Variants in HIP1R observed in about 807,000 individuals in gnomAD.
The protein encoded by HIP1R is huntingtin-interacting protein 1-related protein.
Under a neutral mutation model 144.2 loss-of-function variants are expected in HIP1R, and 135 were observed. The observed-to-expected ratio is 0.94, with a 90% confidence interval of 0.81 to 1.08. The LOEUF is 1.08. Among genes scored for constraint, HIP1R ranks in the 50% least tolerant of loss-of-function variants. The probability of loss-of-function intolerance (pLI) is 0.00; values close to 1 mark genes in which losing one functional copy is unlikely to be tolerated. For missense variants in HIP1R, 1,462 were observed against 1,432.8 expected (o/e 1.02, Z -0.33); for synonymous variants, 698 against 612.8 (o/e 1.14, Z -2.05).
At chr12:122,857,360 C>G in intron 18 of HIP1R, 145 bp downstream of exon 18, 2 of 780,664 alleles carry the variant, frequency 2.6e-6, no homozygotes, top group Admixed American at 4.2e-5. Flanking sequence ...CTTCTTCACT[C>G]AGCATCACGT....
chr12:122,857,154 G>T lies in HIP1R; in HGVS notation c.1754G>T (p.Ser585Ile). The T allele has an allele frequency of 6.4e-7, 1 of 1,550,430 alleles. No individual in the cohort carries two copies. Among genetic ancestry groups the T allele is most frequent in the Non-Finnish European group, 8.7e-7 (1 of 1,146,890 alleles). Residue 585 changes from serine to isoleucine, a missense_variant, in exon 18 of 32, where the codon AGC (serine) becomes ATC (isoleucine). Transcript: ENST00000253083. Reference sequence around the variant, plus strand: ...GTGCGCGAGACAGAGGCGGCGCTGAGCCGGGAGCAGCAGCGCAGCTCCCAG... The same window carrying T: ...GTGCGCGAGACAGAGGCGGCGCTGATCCGGGAGCAGCAGCGCAGCTCCCAG... ...SLVRETEAALSREQQRSSQEQ... is the reference protein window; with the variant it reads ...SLVRETEAALIREQQRSSQEQ...
chr12:122,859,740 C>T (rs988991981), intron 23 of HIP1R, 32 bp from the exon 24 acceptor site: 2 of 1,607,542 alleles, frequency 1.2e-6, no homozygotes, highest in East Asian at 2.2e-5. Context: ...CCCCTCCTCC[C>T]AGCCAGCTCA....
At chr12:122,841,271 C>G (rs2033049007) in intron 1 of HIP1R, among the ~76,000 whole-genome samples, 1 of 152,254 alleles carries the variant, frequency 6.6e-6, no homozygotes, top group African/African-American at 2.4e-5. Context: ...CCACATCTGC[C>G]CTGACACGCT....
rs1690494842 is a variant in HIP1R at position 122,859,136 on chromosome 12, T to G, written c.2234T>G (p.Leu745Arg). Reference protein sequence around the residue: ...LMGQLQDQQALRHMQASLVRT... With the variant: ...LMGQLQDQQARRHMQASLVRT... The stretch of plus-strand genomic sequence containing the variant: ...GGGCAGCTGCAGGACCAGCAGGCTC[T>G]GCGGCACATGCAGGCCAGCCTGGTG... Residue 745 changes from leucine (L) to arginine (R), a missense_variant, in exon 22 of 32, where the codon CTG becomes CGG. By Grantham distance (102) the Leu-to-Arg change is moderately radical. Transcript: ENST00000253083. 4 of 1,589,394 alleles carry G rather than the reference T, an allele frequency of 2.5e-6. No individual in the cohort carries two copies. Among genetic ancestry groups the G allele is most frequent in the Non-Finnish European group, 3.4e-6 (4 of 1,168,746 alleles).
At chr12:122,857,293 C>T (rs772095933) in intron 18 of HIP1R, 78 bp downstream of exon 18, 1 of 1,300,098 alleles carries the variant, frequency 7.7e-7, no homozygotes, top group Admixed American at 2.0e-5. Flanking sequence ...CGTGATCTGC[C>T]TGTTCTAGAG....
chr12:122,835,005 T>G, upstream of HIP1R: 1 of 1,287,756 alleles, frequency 7.8e-7, no homozygotes, highest in Non-Finnish European at 1.0e-6. Context: ...AGACAAGACT[T>G]AGTGAGTTCG....
At chr12:122,859,632 C>G (rs1357249830) in intron 23 of HIP1R, 96 bp downstream of exon 23, 2 of 1,345,870 alleles carry the variant, frequency 1.5e-6, no homozygotes, top group African/African-American at 1.5e-5. Context: ...CACTCCTGCT[C>G]TCAGCCTCCA....
intron 1 of HIP1R, among the ~76,000 whole-genome samples, chr12:122,839,182 T>C (rs78348391): frequency 0.024 from 3,641 of 152,288 alleles, 122 homozygotes; most frequent in African/African-American, 0.083. Flanking sequence ...AAGCATATCA[T>C]GAAGAAGGAC....
In HIP1R at chr12:122,860,147, G is replaced by A. The variant is rs772148221; in HGVS notation, c.2497-1G>A. On this transcript the variant is annotated splice_acceptor_variant, in intron 25 of 31. Transcript: ENST00000253083. LOFTEE classifies it high-confidence loss of function. ...AGTCATTGCTGTCTTGGTCTCGGCA[G>A]GCTATCCGGCTCCTGGTGACGACAT... The A allele has an allele frequency of 5.7e-6, 9 of 1,582,030 alleles. No homozygotes were observed. The highest frequency in any genetic ancestry group is 6.9e-6 in the Non-Finnish European group (8 of 1,166,022).
rs1329054776 is a variant in HIP1R at position 122,851,338 on chromosome 12, C to T, written c.577+41C>T. 4 of 1,461,080 alleles carry T rather than the reference C, an allele frequency of 2.7e-6. No homozygotes were observed. In the East Asian group the frequency reaches 1.0e-4, roughly 38 times the overall value. The allele number at this position is 1,461,080 out of a possible 1,614,324, so 90.5% of individuals were successfully genotyped here. On this transcript the variant is annotated intron_variant, in intron 7 of 31. Transcript: ENST00000253083. ...GGGATGCGGGGGTCTGAGTGTATTG[C>T]TAAGTCCCCAGAGATGGGACGAGAA...
At position 122,862,163 on chromosome 12, in the gene HIP1R, C is replaced by T. The variant is rs79470385; in HGVS notation, c.*410C>T. 1,992 of 180,344 alleles carry T rather than the reference C, an allele frequency of 0.011. 54 individuals carry two copies. Among genetic ancestry groups the T allele is most frequent in the African/African-American group, 0.045 (1,879 of 42,222 alleles). 11.2% of individuals were successfully genotyped at this position (180,344 alleles called of 1,614,324 possible). A position where few individuals can be genotyped will look rare whatever the true frequency, so the allele number is the denominator to read the frequency against. ...CCCTGCCTTCTGGACTCCTGAAGGT[C>T]GTGGATGGATGGAAGGCACACAGCC... On this transcript the variant is annotated 3_prime_UTR_variant, in exon 32 of 32. Transcript: ENST00000253083.
intron 23 of HIP1R, 45 bp from the exon 24 acceptor site, chr12:122,859,727 G>C (rs758785798): frequency 3.1e-6 from 5 of 1,600,520 alleles, no homozygotes; most frequent in Non-Finnish European, 3.4e-6. Flanking sequence ...CCAGGACCAC[G>C]GTCCCCTCCT....
intron 1 of HIP1R, among the ~76,000 whole-genome samples, chr12:122,837,511 G>A (rs2135624902): frequency 6.6e-6 from 1 of 152,280 alleles, no homozygotes; most frequent in African/African-American, 2.4e-5. Context: ...TAGAGAAGGT[G>A]TTTCACCATG....
In HIP1R at chr12:122,860,540, G is replaced by T. The variant is rs749794053; in HGVS notation, c.2660+17G>T. 4.5e-5 allele frequency: 71 copies of T among 1,570,502 alleles called. No homozygotes were observed. Among genetic ancestry groups the T allele is most frequent in the East Asian group, 2.9e-4 (13 of 44,490 alleles). On this transcript the variant is annotated intron_variant, in intron 27 of 31. Coordinates refer to ENST00000253083, the MANE Select transcript of HIP1R (RefSeq NM_003959.3). ...ACAGCTGGTGTAGGTTGCCCTGGGT[G>T]GGGGGGGGCAGGGGGCTGCTTCCTG...
upstream of HIP1R, chr12:122,835,058 G>A: frequency 2.5e-6 from 3 of 1,221,302 alleles, no homozygotes; most frequent in Non-Finnish European, 3.2e-6. Flanking sequence ...TCCCTACCCT[G>A]GGTGGAAGGA....
In HIP1R at chr12:122,836,845, C is replaced by G. The variant is rs760695095; in HGVS notation, c.93+1202C>G. Among the ~76,000 whole-genome samples, 1 of 152,142 alleles carries G rather than the reference C, an allele frequency of 6.6e-6. No individual in the cohort carries two copies. Among genetic ancestry groups the G allele is most frequent in the African/African-American group, 2.4e-5 (1 of 41,420 alleles). ...AGAGAACGCAGGGAGACCTTCTAACCTTTGTGCTTGGGATTGACCCAGAAA... is the reference window on the plus strand; with the variant it reads ...AGAGAACGCAGGGAGACCTTCTAACGTTTGTGCTTGGGATTGACCCAGAAA... On this transcript the variant is annotated intron_variant, in intron 1 of 31. Coordinates refer to ENST00000253083, the MANE Select transcript of HIP1R (RefSeq NM_003959.3). This position sits in a 1 kb window ranked among gnomAD's most constrained non-coding sequence, Gnocchi z 4.1.
rs1028256258 is a variant in HIP1R, at chr12:122,859,287, C to T, written c.2295+90C>T. The T allele has an allele frequency of 1.7e-5, 25 of 1,489,194 alleles. No homozygotes were observed. The African/African-American group carries it at 2.2e-4, about 13-fold the overall frequency. The allele number at this position is 1,489,194 out of a possible 1,614,324, so 92.2% of individuals were successfully genotyped here. On this transcript the variant is annotated intron_variant, in intron 22 of 31. Coordinates refer to ENST00000253083, the MANE Select transcript of HIP1R (RefSeq NM_003959.3). ...TGGGTTGGCTGAACAGGTGTTTGTGCGTGGAGCCTGCAGCCTCAGGACACA... is the reference window on the plus strand; with the variant it reads ...TGGGTTGGCTGAACAGGTGTTTGTGTGTGGAGCCTGCAGCCTCAGGACACA...
chr12:122,858,157 T>C lies in HIP1R; in HGVS notation c.1871T>C (p.Leu624Ser). ...QRLLDEQFAV[L>S]RGAAAEAAGI... ...CTGCTGGACGAGCAGTTCGCAGTGT[T>C]GCGGGGCGCTGCTGCCGAGGCCGCG... The change falls in exon 19 of 32, where the codon TTG (leucine) becomes TCG (serine). Residue 624 changes from leucine to serine, a missense_variant. By Grantham distance (145) the Leu-to-Ser change is moderately radical (BLOSUM62 -2). Around this residue, in one of 2 missense-constraint regions of HIP1R, gnomAD observed 1,112 missense variants for 1,011.7 expected, o/e 1.10. Coordinates refer to ENST00000253083, the MANE Select transcript of HIP1R (RefSeq NM_003959.3). The C allele has an allele frequency of 1.2e-6, 2 of 1,605,878 alleles. No homozygotes were observed. The highest frequency in any genetic ancestry group is 1.7e-6 in the Non-Finnish European group (2 of 1,178,406).
At chr12:122,838,992 C>T (rs2032982804) in intron 1 of HIP1R, among the ~76,000 whole-genome samples, 1 of 152,198 alleles carries the variant, frequency 6.6e-6, no homozygotes, top group Non-Finnish European at 1.5e-5. Context: ...CTTCCGACCT[C>T]CAGAACTGCG....
Sources: allele counts gnomAD v4.1 joint callset (sites outside exome capture counted in the v4.1 genomes callset), GRCh38; gene constraint gnomAD v4.1.1; regional missense constraint gnomAD v4.1.1; non-coding constraint Gnocchi (gnomAD v3.1); transcripts MANE v1.5; gene names NCBI Gene and HGNC (gene_info 2026-07-23, HGNC 2026-07-21).